The following PYHIN1 variants were observed in gnomAD, a reference collection of about 807,000 sequenced individuals.
The protein encoded by PYHIN1 is pyrin and HIN domain-containing protein 1.
PYHIN1 carries 32 observed loss-of-function variants against 43.7 expected under a neutral mutation model. The ratio of observed to expected loss-of-function variants is 0.73; its 90% CI spans 0.55 to 0.98. The LOEUF (loss-of-function observed/expected upper bound fraction) is 0.98. PYHIN1 is among the 50% of genes least tolerant of loss of function. PYHIN1 has a pLI of 0.00. For missense variants in PYHIN1, 588 were observed against 589.5 expected, an observed-to-expected ratio of 1.00 and a Z score of 0.03; for synonymous variants, 205 against 203.1, an observed-to-expected ratio of 1.01 and a Z score of -0.08.
In PYHIN1 at chr1:158,958,936, C is replaced by T. The variant is rs905626093; in HGVS notation, c.1359+13894C>T. The stretch of plus-strand genomic sequence containing the variant: ...CTGAGGCTCCGCTAGCCTTAAGCGG[C>T]TGTTTCAATACTTTTATATACTGTT... On this transcript the variant is annotated intron_variant, in intron 7 of 8. Transcript: ENST00000368140. 2.6e-5 allele frequency among the ~76,000 whole-genome samples: 4 copies of T among 151,480 alleles called. No individual in the cohort carries two copies. In the South Asian group the frequency reaches 8.4e-4, roughly 32 times the overall value.
the PYHIN1 span, among the ~76,000 whole-genome samples, chr1:158,987,386 T>C: frequency 1.3e-5 from 2 of 152,194 alleles, no homozygotes; most frequent in African/African-American, 4.8e-5. Context: ...ATTCAGAGTC[T>C]TTGCCTATTT....
In PYHIN1 at chr1:158,956,597, C is replaced by T. The variant is rs1384617972; in HGVS notation, c.1359+11555C>T. ...CTCAATAAATTAGGTACTGATGGGA[C>T]GTATTTCAAAATAATAAGAGCTATC... is the stretch of plus-strand genomic sequence containing the variant. On this transcript the variant is annotated intron_variant, in intron 7 of 8. Coordinates refer to ENST00000368140, the MANE Select transcript of PYHIN1 (RefSeq NM_152501.5). Among the ~76,000 whole-genome samples, 69 of 151,848 alleles carry T rather than the reference C, an allele frequency of 4.5e-4. No homozygotes were observed. In the East Asian group the frequency reaches 9.1e-3, roughly 20 times the overall value.
rs181863698 is a variant in PYHIN1 at position 158,945,328 on chromosome 1, C to T, written c.1359+286C>T. The T allele has an allele frequency of 1.1e-3, 264 of 251,040 alleles. 2 individuals are homozygous for T. Among genetic ancestry groups the T allele is most frequent in the Middle Eastern group, 3.6e-3 (3 of 838 alleles). 15.6% of individuals were successfully genotyped at this position (251,040 alleles called of 1,614,324 possible). A position where few individuals can be genotyped will look rare whatever the true frequency, so the allele number is the denominator to read the frequency against. On this transcript the variant is annotated intron_variant, in intron 7 of 8. Transcript: ENST00000368140. The stretch of plus-strand genomic sequence containing the variant: ...ATGGCCAGAGAAGTAGAGATGAAGA[C>T]AAAGAGTGTGTTATGACCCACATTC...
At chr1:158,951,571 G>T (rs1423414201) in intron 7 of PYHIN1, among the ~76,000 whole-genome samples, 1 of 152,192 alleles carries the variant, frequency 6.6e-6, no homozygotes, top group Middle Eastern at 3.2e-3. Context: ...GTCTCCACCA[G>T]ACTAGCGCTT....
intron 4 of PYHIN1, among the ~76,000 whole-genome samples, chr1:158,941,719 C>G (rs868301093): frequency 6.6e-6 from 1 of 152,150 alleles, no homozygotes; most frequent in Non-Finnish European, 1.5e-5. Context: ...ATCCACTTGT[C>G]TTTTGTTGCT....
chr1:158,957,449 C>T (rs1312289399), intron 7 of PYHIN1, among the ~76,000 whole-genome samples: 90 of 151,702 alleles, frequency 5.9e-4, no homozygotes, highest in African/African-American at 1.9e-4. Context: ...GAAATAATGC[C>T]GCATATCTAC....
chr1:158,977,690 A>G (rs954327405), downstream of PYHIN1, among the ~76,000 whole-genome samples: 4 of 152,166 alleles, frequency 2.6e-5, no homozygotes, highest in Admixed American at 6.6e-5. Flanking sequence ...GTGTCATTTA[A>G]TCTTCACCGT....
At chr1:158,987,185 G>A in the PYHIN1 span, among the ~76,000 whole-genome samples, 9 of 152,138 alleles carry the variant, frequency 5.9e-5, no homozygotes, top group African/African-American at 1.9e-4. Flanking sequence ...CACAAGCAGT[G>A]TAGAAAAGTC....
At chr1:158,962,522 T>C (rs1650382584) in intron 7 of PYHIN1, among the ~76,000 whole-genome samples, 1 of 152,176 alleles carries the variant, frequency 6.6e-6, no homozygotes, top group Admixed American at 6.5e-5. Flanking sequence ...TCGAACACAA[T>C]TACCCTGCCC....
intron 7 of PYHIN1, among the ~76,000 whole-genome samples, chr1:158,972,202 C>G (rs1045905056): frequency 6.6e-6 from 1 of 151,916 alleles, no homozygotes; most frequent in African/African-American, 2.4e-5. Context: ...GGAGAACCTC[C>G]AACTCTGAAC....
chr1:158,939,506 C>G, intron 4 of PYHIN1: 1 of 1,550,812 alleles, frequency 6.4e-7, no homozygotes, highest in Non-Finnish European at 8.7e-7. Flanking sequence ...CTTTCAGCAA[C>G]AGACTCACTG....
At position 158,942,042 on chromosome 1, in the gene PYHIN1, A is replaced by G; in HGVS notation, c.645A>G (p.Ile215Met). The G allele has an allele frequency of 6.2e-7, 1 of 1,612,680 alleles. No individual in the cohort carries two copies. Among genetic ancestry groups the G allele is most frequent in the African/African-American group, 1.3e-5 (1 of 74,968 alleles). The change falls in exon 5 of 9, where the codon ATA becomes ATG. Residue 215 changes from isoleucine to methionine, a missense_variant. By Grantham distance (10) the Ile-to-Met change is conservative. Coordinates refer to ENST00000368140, the MANE Select transcript of PYHIN1 (RefSeq NM_152501.5). Reference protein sequence around the residue: ...ASKNIFREDPIIAMVLNATKV... With the variant: ...ASKNIFREDPMIAMVLNATKV... ...AAAATATTTTCCGAGAAGACCCAAT[A>G]ATCGCGATGGTACTAAATGCAACAA...
intron 7 of PYHIN1, among the ~76,000 whole-genome samples, chr1:158,948,028 C>T (rs1360598417): frequency 6.6e-6 from 1 of 151,886 alleles, no homozygotes; most frequent in South Asian, 2.1e-4. Context: ...TAAAATTTTT[C>T]CACCAGCCTG....
intron 7 of PYHIN1, among the ~76,000 whole-genome samples, chr1:158,950,632 C>T (rs1235019612): frequency 6.6e-6 from 1 of 152,160 alleles, no homozygotes; most frequent in Admixed American, 6.5e-5. Flanking sequence ...CAGCAAAGTG[C>T]TTTTCTACAG....
chr1:158,985,970 T>C, the PYHIN1 span, among the ~76,000 whole-genome samples: 1 of 152,228 alleles, frequency 6.6e-6, no homozygotes, highest in Non-Finnish European at 1.5e-5. Flanking sequence ...AATTATATTA[T>C]GAAATTTTTG....
chr1:158,976,404 G>A (rs964729413), intron 8 of PYHIN1, among the ~76,000 whole-genome samples: 3 of 151,950 alleles, frequency 2.0e-5, no homozygotes, highest in Non-Finnish European at 2.9e-5. Flanking sequence ...AGCCCTTGTC[G>A]TTGGACACAC....
intron 4 of PYHIN1, among the ~76,000 whole-genome samples, chr1:158,941,760 T>G (rs1208045913): frequency 2.0e-5 from 3 of 152,218 alleles, no homozygotes; most frequent in Admixed American, 1.3e-4. Flanking sequence ...GATTATTCTG[T>G]TTAAAGAAAG....
At chr1:158,948,265 A>T (rs1300043955) in intron 7 of PYHIN1, among the ~76,000 whole-genome samples, 1 of 152,212 alleles carries the variant, frequency 6.6e-6, no homozygotes, top group Non-Finnish European at 1.5e-5. Flanking sequence ...CAGTAGAGAT[A>T]ATCTTGCACA....
rs376396834 is a variant in PYHIN1, at chr1:158,934,742, G to C, written c.-20-2149G>C. ...TTGTTTTTGTATTTATTTTTATCGA[G>C]GTGGAGTTTTGCTCTTGTCACTCAG... On this transcript the variant is annotated intron_variant, in intron 1 of 8. Transcript: ENST00000368140. Among the ~76,000 whole-genome samples, 45 of 152,118 alleles carry C rather than the reference G, an allele frequency of 3.0e-4. No homozygotes were observed. In the South Asian group the frequency reaches 9.3e-3, roughly 32 times the overall value.
Sources: gnomAD v4.1 joint callset for allele counts (sites outside exome capture counted in the v4.1 genomes callset) on GRCh38, gnomAD v4.1.1 for gene constraint, MANE v1.5 for transcripts, NCBI Gene and HGNC (gene_info 2026-07-23, HGNC 2026-07-21) for gene names.